Variants in HACE1 observed in about 807,000 individuals in gnomAD.
HACE1 encodes E3 ubiquitin-protein ligase HACE1.
A neutral mutation model predicts 118.4 loss-of-function variants in HACE1; 73 were observed. The observed-to-expected ratio is 0.62, with a 90% confidence interval of 0.51 to 0.75. The LOEUF (loss-of-function observed/expected upper bound fraction) is 0.75, where lower values mean the gene tolerates loss of function less well. Among genes scored for constraint, HACE1 ranks in the 30% least tolerant of loss-of-function variants. HACE1 has a pLI of 0.00. For missense variants in HACE1, 749 were observed against 1,102.2 expected, an observed-to-expected ratio of 0.68 and a Z score of 4.54; for synonymous variants, 368 against 374.8, an observed-to-expected ratio of 0.98 and a Z score of 0.21.
At chr6:104,850,826 A>G (rs1442026704) in intron 3 of HACE1, 81 bp downstream of exon 3, 1 of 898,372 alleles carries the variant, frequency 1.1e-6, no homozygotes, top group African/African-American at 1.6e-5. Flanking sequence ...TCTCCCCAGA[A>G]ATATTGTGTG....
chr6:104,733,578 C>A (rs1006062213), intron 22 of HACE1, among the ~76,000 whole-genome samples: 4 of 152,088 alleles, frequency 2.6e-5, no homozygotes, highest in Admixed American at 6.5e-5. Context: ...ATTGGCCAGG[C>A]GCGGTGGCTC....
chr6:104,833,019 A>G (rs753293485), intron 6 of HACE1, 23 bp downstream of exon 6: 5 of 1,606,778 alleles, frequency 3.1e-6, no homozygotes, highest in Non-Finnish European at 4.3e-6. Flanking sequence ...CATGCAGCTT[A>G]AAGTCCTCAT....
intron 19 of HACE1, among the ~76,000 whole-genome samples, chr6:104,755,393 T>C (rs1413582814): frequency 6.6e-6 from 1 of 152,126 alleles, no homozygotes; most frequent in African/African-American, 2.4e-5. Context: ...TTAACAAAGA[T>C]ATTCTGGACC....
intron 17 of HACE1, among the ~76,000 whole-genome samples, chr6:104,773,235 A>T (rs909174239): frequency 6.6e-6 from 1 of 152,234 alleles, no homozygotes; most frequent in African/African-American, 2.4e-5. Flanking sequence ...GGGCTAAAAG[A>T]AACAACGGAT....
intron 20 of HACE1, among the ~76,000 whole-genome samples, chr6:104,749,328 A>G (rs1777785152): frequency 1.3e-5 from 2 of 152,108 alleles, no homozygotes; most frequent in African/African-American, 4.8e-5. Flanking sequence ...GAAGCCATTA[A>G]CTGTACAGCT....
At chr6:104,782,768 T>C (rs896629840) in intron 14 of HACE1, among the ~76,000 whole-genome samples, 10 of 152,232 alleles carry the variant, frequency 6.6e-5, no homozygotes, top group South Asian at 2.1e-4. Flanking sequence ...TCCCTCTATA[T>C]AGTTATGTAT....
At chr6:104,765,865 G>A (rs765642616) in intron 19 of HACE1, among the ~76,000 whole-genome samples, 4 of 152,146 alleles carry the variant, frequency 2.6e-5, no homozygotes, top group Non-Finnish European at 4.4e-5. Flanking sequence ...AACGTCAACA[G>A]TTTATTCTTT....
At chr6:104,779,348 G>T (rs866660551) in intron 14 of HACE1, among the ~76,000 whole-genome samples, 9 of 152,252 alleles carry the variant, frequency 5.9e-5, no homozygotes, top group Middle Eastern at 6.8e-3. Context: ...TGTTTTAAAA[G>T]ATTCAAATAT....
intron 4 of HACE1, among the ~76,000 whole-genome samples, chr6:104,847,015 C>T (rs1253924278): frequency 6.6e-6 from 1 of 152,102 alleles, no homozygotes; most frequent in South Asian, 2.1e-4. Flanking sequence ...ATTTCTTCAC[C>T]TTTAAAATGT....
In HACE1 at chr6:104,729,592, G is replaced by C; in HGVS notation, c.*70C>G. ...GTTGCATTTAGGCTGCTTTTTTGTT[G>C]ACATTTTCCCAAATTACTTCTGCCA... On this transcript the variant is annotated 3_prime_UTR_variant, in exon 24 of 24. Transcript: ENST00000262903. The C allele has an allele frequency of 2.4e-6, 2 of 842,270 alleles. No homozygotes were observed. Among genetic ancestry groups the C allele is most frequent in the Non-Finnish European group, 2.1e-6 (1 of 479,542 alleles). The allele number at this position is 842,270 out of a possible 1,614,324, so 52.2% of individuals were successfully genotyped here.
At chr6:104,852,199 CTGTGTGTG>C (rs543674376) in intron 2 of HACE1, 110 bp downstream of exon 2, 5 of 642,754 alleles carry the variant, frequency 7.8e-6, no homozygotes, top group South Asian at 1.6e-5. Context: ...TCCAAACTGT[CTGTGTGTG>C]TGTGTGTGTG....
At chr6:104,770,947 T>C (rs573275110) in intron 19 of HACE1, among the ~76,000 whole-genome samples, 2 of 152,366 alleles carry the variant, frequency 1.3e-5, no homozygotes, top group East Asian at 3.9e-4. Flanking sequence ...ATGCCCAATT[T>C]ATACTATCAG....
chr6:104,770,856 C>A (rs66555410), intron 19 of HACE1, among the ~76,000 whole-genome samples: 2 of 152,060 alleles, frequency 1.3e-5, no homozygotes, highest in Non-Finnish European at 2.9e-5. Flanking sequence ...TTTAATATTA[C>A]ACTTTAAAAA....
chr6:104,742,760 C>T (rs1285528875), intron 22 of HACE1, among the ~76,000 whole-genome samples: 2 of 151,924 alleles, frequency 1.3e-5, no homozygotes, highest in East Asian at 3.9e-4. Flanking sequence ...GTGGCGATTC[C>T]TCAGGGATCT....
At position 104,770,104 on chromosome 6, in the gene HACE1, C is replaced by T. The variant is rs557373569; in HGVS notation, c.2211+1089G>A. Among the ~76,000 whole-genome samples, 4 of 152,246 alleles carry T rather than the reference C, an allele frequency of 2.6e-5. No homozygotes were observed. In the East Asian group the frequency reaches 5.8e-4, roughly 22 times the overall value. On this transcript the variant is annotated intron_variant, in intron 19 of 23. Transcript: ENST00000262903. ...ACATAACCCTTTTTAAAATAATCCA[C>T]ATTTTACTAAATCTATAGTTTAAAA...
intron 14 of HACE1, 117 bp downstream of exon 14, chr6:104,783,969 C>A: frequency 1.4e-6 from 1 of 694,840 alleles, no homozygotes; most frequent in Non-Finnish European, 2.6e-6. Flanking sequence ...AAGTAACATG[C>A]AATCATTCCT....
At position 104,791,514 on chromosome 6, in the gene HACE1, T is replaced by C. The variant is rs1192924353; in HGVS notation, c.1064A>G (p.Gln355Arg). Reference sequence around the variant, plus strand: ...ATATACTTTTCTCACCTTGAACACCTGGCTTCTTGGAGTTTTATTCCCATT... The same window carrying C: ...ATATACTTTTCTCACCTTGAACACCCGGCTTCTTGGAGTTTTATTCCCATT... ...GYNGNKTPRSQVFKPLELLWH... is the reference protein window; with the variant it reads ...GYNGNKTPRSRVFKPLELLWH... The change falls in exon 11 of 24, where the codon CAG (glutamine) becomes CGG (arginine). Residue 355 changes from glutamine (Q) to arginine (R), a missense_variant. Physicochemically the swap from Gln to Arg is conservative, Grantham distance 43 (BLOSUM62 1). Around this residue, in one of 5 missense-constraint regions of HACE1, gnomAD observed 267 missense variants for 312.2 expected, o/e 0.86. Transcript: ENST00000262903. 1.2e-6 allele frequency: 2 copies of C among 1,612,906 alleles called. No individual in the cohort carries two copies. The highest frequency in any genetic ancestry group is 2.7e-5 in the African/African-American group (2 of 74,924).
chr6:104,744,802 A>G (rs1339301686), intron 20 of HACE1, among the ~76,000 whole-genome samples, 192 bp from the exon 21 acceptor site: 2 of 152,206 alleles, frequency 1.3e-5, no homozygotes, highest in Non-Finnish European at 2.9e-5. Flanking sequence ...CTCAAATATT[A>G]TAAGATGTGG....
In HACE1 at chr6:104,785,150, C is replaced by T; in HGVS notation, c.1244G>A (p.Ser415Asn). 6.2e-7 allele frequency: 1 copy of T among 1,614,060 alleles called. No homozygotes were observed. The stretch of plus-strand genomic sequence containing the variant: ...TGTGCCAGTGGACAGATTTTCATAG[C>T]TCCCAGGTCCTGGAGGTTCAAATGG... ...IPPFEPPGPG[S>N]YENLSTGTRE... The change falls in exon 12 of 24, where the codon AGC becomes AAC. Residue 415 changes from serine to asparagine, a missense_variant. By Grantham distance (46) the Ser-to-Asn change is conservative. Coordinates refer to ENST00000262903, the MANE Select transcript of HACE1 (RefSeq NM_020771.4).
Sources: allele counts gnomAD v4.1 joint callset (sites outside exome capture counted in the v4.1 genomes callset), GRCh38; gene constraint gnomAD v4.1.1; regional missense constraint gnomAD v4.1.1; transcripts MANE v1.5; gene names NCBI Gene and HGNC (gene_info 2026-07-23, HGNC 2026-07-21).